Variants in PTK2 observed in about 807,000 individuals in gnomAD.
The protein encoded by PTK2 is focal adhesion kinase 1.
PTK2 carries 45 observed loss-of-function variants against 150.1 expected under a neutral mutation model. That is an observed-to-expected ratio of 0.30 (90% CI 0.24 to 0.38). PTK2 has a LOEUF of 0.38. PTK2 is among the 10% of genes least tolerant of loss of function. The pLI is 1.00. For synonymous variants in PTK2, 432 were observed against 449.2 expected, an observed-to-expected ratio of 0.96 and a Z score of 0.48; for missense variants, 919 against 1,307.3, an observed-to-expected ratio of 0.70 and a Z score of 4.58.
chr8:140,706,644 T>C (rs2100033984), intron 23 of PTK2, among the ~76,000 whole-genome samples: 1 of 152,098 alleles, frequency 6.6e-6, no homozygotes, highest in Non-Finnish European at 1.5e-5. Context: ...TAAAATGGTG[T>C]AGTCACTATG....
intron 26 of PTK2, among the ~76,000 whole-genome samples, chr8:140,691,071 A>G (rs2153821604): frequency 6.6e-6 from 1 of 152,304 alleles, no homozygotes; most frequent in South Asian, 2.1e-4. Flanking sequence ...GTTGGATATT[A>G]GGGTCATTTT....
chr8:141,000,656 G>A (rs929460035), intron 1 of PTK2, among the ~76,000 whole-genome samples: 2 of 124,212 alleles, frequency 1.6e-5, no homozygotes, highest in African/African-American at 6.2e-5. Context: ...CCGCGCGCCC[G>A]GCCTTTTCGA....
At chr8:140,798,938 G>A (rs1452438174) in intron 12 of PTK2, among the ~76,000 whole-genome samples, 1 of 152,180 alleles carries the variant, frequency 6.6e-6, no homozygotes, top group Non-Finnish European at 1.5e-5. Flanking sequence ...TTAACTGAGA[G>A]TAACTGTAGA....
chr8:140,898,516 CCTAA>C (rs756518652), intron 2 of PTK2, among the ~76,000 whole-genome samples: 14 of 152,156 alleles, frequency 9.2e-5, no homozygotes, highest in East Asian at 1.9e-4. Context: ...GTTCTCAGTG[CCTAA>C]CTGTTTCTTC....
intron 2 of PTK2, among the ~76,000 whole-genome samples, chr8:140,923,184 G>C (rs2100168177): frequency 6.6e-6 from 1 of 152,134 alleles, no homozygotes; most frequent in Non-Finnish European, 1.5e-5. Context: ...ATATGAAAGA[G>C]CATAAATTCT....
chr8:140,881,062 T>C (rs1037276077), intron 3 of PTK2, among the ~76,000 whole-genome samples: 19 of 152,220 alleles, frequency 1.2e-4, no homozygotes, highest in South Asian at 4.1e-4. Context: ...CAAAGACAGG[T>C]TCATAAAGAT....
At chr8:140,939,719 T>A (rs571201525) in intron 1 of PTK2, among the ~76,000 whole-genome samples, 1 of 152,240 alleles carries the variant, frequency 6.6e-6, no homozygotes, top group Non-Finnish European at 1.5e-5. Flanking sequence ...CTAGGTAGTA[T>A]GTACACATTT....
exon 10 of PTK2, chr8:140,818,345 T>C (rs374359484): frequency 6.8e-6 from 11 of 1,613,686 alleles, no homozygotes; most frequent in African/African-American, 1.3e-5. Flanking sequence ...ACTGAAATAA[T>C]CCAGCTTGAC....
chr8:140,806,863 G>T (rs1184614152), intron 10 of PTK2, among the ~76,000 whole-genome samples: 1 of 152,178 alleles, frequency 6.6e-6, no homozygotes, highest in Non-Finnish European at 1.5e-5. Flanking sequence ...GTTATAAAGA[G>T]AACAGGGTTA....
intron 31 of PTK2, among the ~76,000 whole-genome samples, chr8:140,664,185 T>C (rs909286717): frequency 2.0e-5 from 3 of 152,182 alleles, no homozygotes; most frequent in Non-Finnish European, 4.4e-5. Context: ...AGTTTCATCA[T>C]GTTGGCCAGG....
intron 5 of PTK2, among the ~76,000 whole-genome samples, chr8:140,857,548 C>T (rs945348157): frequency 1.3e-5 from 2 of 152,140 alleles, no homozygotes; most frequent in Admixed American, 6.5e-5. Context: ...ATTATTCTTA[C>T]ATTACTGGGG....
intron 1 of PTK2, among the ~76,000 whole-genome samples, chr8:140,933,511 G>C (rs1325564408): frequency 6.6e-6 from 1 of 152,202 alleles, no homozygotes; most frequent in Non-Finnish European, 1.5e-5. Flanking sequence ...CTAAATCCTA[G>C]AGCATTAGTA....
Position 140,890,852 on chromosome 8 carries a change from T to C in PTK2, c.-32-83A>G, listed in dbSNP as rs1440924794. On this transcript the variant is annotated intron_variant, in intron 2 of 31. Transcript: ENST00000522684. ...TGTGATATGTTGTTTATATCAAATG[T>C]CCTATACTCTCTCTTGATATGTTAT... 7 of 1,150,760 alleles carry C rather than the reference T, an allele frequency of 6.1e-6. No homozygotes were observed. The African/African-American group carries it at 7.7e-5, about 13-fold the overall frequency. 71.3% of individuals were successfully genotyped at this position (1,150,760 alleles called of 1,614,324 possible).
intron 11 of PTK2, among the ~76,000 whole-genome samples, chr8:140,801,535 G>C (rs1054615551): frequency 6.6e-6 from 1 of 152,180 alleles, no homozygotes. Context: ...TCATGCCTCA[G>C]TTTCCTCAGC....
intron 22 of PTK2, chr8:140,732,607 G>A (rs746613804): frequency 1.9e-6 from 1 of 529,290 alleles, no homozygotes; most frequent in African/African-American, 1.9e-5. Flanking sequence ...CTTCAGTCTA[G>A]TAGGGGATGA....
chr8:140,756,716 G>A (rs1335123945), intron 16 of PTK2, among the ~76,000 whole-genome samples: 13 of 150,358 alleles, frequency 8.6e-5, no homozygotes, highest in South Asian at 2.1e-4. Flanking sequence ...AAGGCGGGGC[G>A]CGGTGGCTCA....
intron 30 of PTK2, among the ~76,000 whole-genome samples, chr8:140,667,180 T>C (rs1423527144): frequency 6.6e-6 from 1 of 152,136 alleles, no homozygotes; most frequent in African/African-American, 2.4e-5. Context: ...GTTATGGAAG[T>C]GGATGGTGCT....
At chr8:140,790,247 T>G (rs1003189334) in intron 13 of PTK2, among the ~76,000 whole-genome samples, 1 of 152,212 alleles carries the variant, frequency 6.6e-6, no homozygotes, top group African/African-American at 2.4e-5. Context: ...AGATGAAATA[T>G]TGACATTTAA....
intron 23 of PTK2, among the ~76,000 whole-genome samples, chr8:140,706,548 G>A (rs2100033925): frequency 6.6e-6 from 1 of 152,188 alleles, no homozygotes; most frequent in Non-Finnish European, 1.5e-5. Flanking sequence ...GCTCATGCCT[G>A]TAATCCCAGC....
Sources: gnomAD v4.1 joint callset for allele counts (sites outside exome capture counted in the v4.1 genomes callset) on GRCh38, gnomAD v4.1.1 for gene constraint, MANE v1.5 for transcripts, NCBI Gene and HGNC (gene_info 2026-07-23, HGNC 2026-07-21) for gene names.